Variants in GLI2 observed in about 807,000 individuals in gnomAD.
GLI2 encodes GLI family zinc finger 2, also known as transcription activator GLI2.
Under a neutral mutation model 78.9 loss-of-function variants are expected in GLI2, and 22 were observed. The observed-to-expected ratio is 0.28, with a 90% CI of 0.20 to 0.40. GLI2 has a LOEUF of 0.40. Ranked by LOEUF, GLI2 falls within the 10% of genes least tolerant of loss-of-function variation. GLI2 has a pLI of 1.00. For synonymous variants in GLI2, 974 were observed against 963.7 expected, an observed-to-expected ratio of 1.01 and a Z score of -0.20; for missense variants, 2,097 against 2,213.2, an observed-to-expected ratio of 0.95 and a Z score of 1.05.
chr2:120,826,467 G>A (rs768575368), intron 2 of GLI2, among the ~76,000 whole-genome samples: 6 of 152,192 alleles, frequency 3.9e-5, no homozygotes, highest in Non-Finnish European at 7.3e-5. Flanking sequence ...GGCAGTGTGC[G>A]TCTCCACACA....
chr2:120,767,414 GGCCTCT>G (rs1683396906), intron 1 of GLI2, among the ~76,000 whole-genome samples: 1 of 152,164 alleles, frequency 6.6e-6, no homozygotes, highest in Non-Finnish European at 1.5e-5. Flanking sequence ...ATTCACGCTC[GGCCTCT>G]GAGGAGCCAA....
chr2:120,779,297 G>A (rs1683769530), intron 1 of GLI2, among the ~76,000 whole-genome samples: 1 of 152,212 alleles, frequency 6.6e-6, no homozygotes, highest in Non-Finnish European at 1.5e-5. Flanking sequence ...AAGACAGGCT[G>A]TGACATTTGA....
chr2:120,746,102 G>A (rs1424532186), intron 1 of GLI2, among the ~76,000 whole-genome samples: 1 of 152,202 alleles, frequency 6.6e-6, no homozygotes, highest in African/African-American at 2.4e-5. Context: ...CCATGATCCA[G>A]TGCGTTGCTT....
At chr2:120,823,358 G>A (rs1685878611) in intron 2 of GLI2, among the ~76,000 whole-genome samples, 1 of 152,154 alleles carries the variant, frequency 6.6e-6, no homozygotes, top group Admixed American at 6.5e-5. Context: ...TGGGGCTGGG[G>A]GAGAAATCCC....
intron 2 of GLI2, among the ~76,000 whole-genome samples, chr2:120,815,685 C>G (rs1685462475): frequency 6.6e-6 from 1 of 152,118 alleles, no homozygotes; most frequent in African/African-American, 2.4e-5. Context: ...AATGCCCTCC[C>G]CATACCAGTT....
intron 2 of GLI2, among the ~76,000 whole-genome samples, chr2:120,901,682 C>T (rs1040797645): frequency 6.6e-6 from 1 of 152,242 alleles, no homozygotes; most frequent in Non-Finnish European, 1.5e-5. Flanking sequence ...TGATTCTGGA[C>T]TGAATCTAAC....
intron 2 of GLI2, among the ~76,000 whole-genome samples, chr2:120,890,052 A>G (rs1484240756): frequency 6.6e-6 from 1 of 152,234 alleles, no homozygotes; most frequent in African/African-American, 2.4e-5. Context: ...CAAACTGGAA[A>G]CAGCCCAGAT....
intron 10 of GLI2, 69 bp from the exon 11 acceptor site, chr2:120,982,647 G>C: frequency 1.4e-6 from 2 of 1,382,574 alleles, no homozygotes; most frequent in South Asian, 2.5e-5. Context: ...GGGGTGGGGA[G>C]GAAGCAGCAG....
chr2:120,975,629 A>T (rs1161526685), intron 9 of GLI2, among the ~76,000 whole-genome samples: 1 of 152,168 alleles, frequency 6.6e-6, no homozygotes, highest in African/African-American at 2.4e-5. Flanking sequence ...CCCAGATCAG[A>T]GAGGAGGTTG....
At chr2:120,891,439 T>C (rs985825969) in intron 2 of GLI2, among the ~76,000 whole-genome samples, 11 of 152,214 alleles carry the variant, frequency 7.2e-5, no homozygotes, top group African/African-American at 2.4e-4. Flanking sequence ...CCCTACCTTA[T>C]AGGCATCGTA....
intron 1 of GLI2, among the ~76,000 whole-genome samples, chr2:120,781,187 G>A (rs953431179): frequency 1.4e-4 from 22 of 152,214 alleles, no homozygotes; most frequent in Admixed American, 2.0e-4. Flanking sequence ...TGCCTGGCCT[G>A]GCCTGGTCCT....
intron 2 of GLI2, among the ~76,000 whole-genome samples, chr2:120,855,539 G>A (rs1444678028): frequency 9.9e-5 from 15 of 152,220 alleles, no homozygotes; most frequent in Admixed American, 9.8e-4. Context: ...CATCACTAAG[G>A]ATATTCACAA....
At chr2:120,811,212 G>T (rs11681849) in intron 2 of GLI2, among the ~76,000 whole-genome samples, 53,072 of 151,880 alleles carry the variant, frequency 0.35, 9,844 homozygotes, top group East Asian at 0.44. Flanking sequence ...AGGAGGAGTG[G>T]GCAGGAGACC....
Position 120,988,509 on chromosome 2 carries a change from C to G in GLI2, c.2544C>G (p.Arg848=). 6.6e-7 allele frequency: 1 copy of G among 1,526,088 alleles called. No homozygotes were observed. The highest frequency in any genetic ancestry group is 8.7e-7 in the Non-Finnish European group (1 of 1,145,280). The allele number at this position is 1,526,088 out of a possible 1,614,324, so 94.5% of individuals were successfully genotyped here. A position where few individuals can be genotyped will look rare whatever the true frequency, so the allele number is the denominator to read the frequency against. The change falls in exon 14 of 14, where the codon CGC becomes CGG. Residue 848 remains arginine, a synonymous_variant. Coordinates refer to ENST00000361492, the MANE Select transcript of GLI2 (RefSeq NM_001374353.1). Reference sequence around the variant, plus strand: ...CCATCTCCACGGACGCGTCGCGGCGCTCGAGCGAGGCCAGCCAGTGCAGCG... The same window carrying G: ...CCATCTCCACGGACGCGTCGCGGCGGTCGAGCGAGGCCAGCCAGTGCAGCG... ...YDPISTDASR[R]SSEASQCSGG...
At chr2:120,899,030 G>T (rs777741495) in intron 2 of GLI2, among the ~76,000 whole-genome samples, 2 of 152,140 alleles carry the variant, frequency 1.3e-5, no homozygotes, top group South Asian at 4.1e-4. Flanking sequence ...TACTCCCTCC[G>T]GGAGGGCCTG....
chr2:120,865,537 T>C (rs912018201), intron 2 of GLI2, among the ~76,000 whole-genome samples: 5 of 152,214 alleles, frequency 3.3e-5, no homozygotes, highest in Non-Finnish European at 7.3e-5. Context: ...TGCGGTGCCC[T>C]TGGAGGCAGT....
chr2:120,982,393 T>C (rs1682753995), intron 10 of GLI2, among the ~76,000 whole-genome samples: 1 of 152,088 alleles, frequency 6.6e-6, no homozygotes, highest in South Asian at 2.1e-4. Flanking sequence ...TTTAAAAAAA[T>C]AGAGTATGTA....
intron 3 of GLI2, among the ~76,000 whole-genome samples, chr2:120,930,559 G>A (rs566898733): frequency 7.9e-4 from 121 of 152,338 alleles, no homozygotes; most frequent in African/African-American, 2.5e-3. Context: ...TCGGCCCTTC[G>A]TTAGGGCACT....
At chr2:120,736,689 G>C (rs1438510747) in intron 1 of GLI2, among the ~76,000 whole-genome samples, 1 of 152,074 alleles carries the variant, frequency 6.6e-6, no homozygotes, top group Non-Finnish European at 1.5e-5. Context: ...CCGTAGGTGG[G>C]CATGGGAGCG....
Sources: gnomAD v4.1 joint callset for allele counts (sites outside exome capture counted in the v4.1 genomes callset) on GRCh38, gnomAD v4.1.1 for gene constraint, MANE v1.5 for transcripts, NCBI Gene and HGNC (gene_info 2026-07-23, HGNC 2026-07-21) for gene names.